The following DYNC2H1 variants were observed in gnomAD, a reference collection of about 807,000 sequenced individuals.
The protein encoded by DYNC2H1 is cytoplasmic dynein 2 heavy chain 1.
Under a neutral mutation model 570.0 loss-of-function variants are expected in DYNC2H1, and 410 were observed. That is an observed-to-expected ratio of 0.72 (90% CI 0.66 to 0.78). The LOEUF (loss-of-function observed/expected upper bound fraction) is 0.78, where lower values mean the gene tolerates loss of function less well. Ranked by LOEUF, DYNC2H1 falls within the 30% of genes least tolerant of loss-of-function variation. The pLI, the probability that DYNC2H1 is intolerant of heterozygous loss-of-function variation, is 0.00. For missense variants in DYNC2H1, 4,865 were observed against 5,046.4 expected (o/e 0.96, Z 1.09); for synonymous variants, 1,688 against 1,677.6 (o/e 1.01, Z -0.15).
rs35573672 is a variant in DYNC2H1, at chr11:103,316,709, C to G, written c.11725+89C>G. On this transcript the variant is annotated intron_variant, in intron 80 of 88. Transcript: ENST00000375735. Reference sequence around the variant, plus strand: ...TATGTTTTCTTCAGAAGTGGCTTAACTTCCTATCACAAAATTTGCTTGTGC... The same window carrying G: ...TATGTTTTCTTCAGAAGTGGCTTAAGTTCCTATCACAAAATTTGCTTGTGC... 211,105 of 985,644 alleles carry G rather than the reference C, an allele frequency of 0.21. 23,211 individuals are homozygous for G. The highest frequency in any genetic ancestry group is 0.26 in the South Asian group (11,772 of 44,718). The allele number at this position is 985,644 out of a possible 1,614,324, so 61.1% of individuals were successfully genotyped here.
intron 87 of DYNC2H1, among the ~76,000 whole-genome samples, chr11:103,462,220 T>C (rs1410188795): frequency 2.0e-5 from 3 of 152,188 alleles, no homozygotes; most frequent in East Asian, 1.9e-4. Flanking sequence ...ATTCATCTGC[T>C]TGCTTCCTTA....
In DYNC2H1 at chr11:103,127,532, G is replaced by A. The variant is rs184683766; in HGVS notation, c.1858-1378G>A. The stretch of plus-strand genomic sequence containing the variant: ...AAGTATATTTTTACATGTATTAGTG[G>A]AAAGAAGAAGATCTCTATAAAATTA... On this transcript the variant is annotated intron_variant, in intron 12 of 88. Coordinates refer to ENST00000375735, the MANE Select transcript of DYNC2H1 (RefSeq NM_001377.3). Among the ~76,000 whole-genome samples, 355 of 152,258 alleles carry A rather than the reference G, an allele frequency of 2.3e-3. 1 individual carries two copies. The highest frequency in any genetic ancestry group is 4.1e-3 in the South Asian group (20 of 4,828).
At position 103,149,746 on chromosome 11, in the gene DYNC2H1, C is replaced by T. The variant is rs568502983; in HGVS notation, c.2946+1129C>T. Among the ~76,000 whole-genome samples the T allele has an allele frequency of 4.0e-5, 6 of 151,890 alleles. No individual in the cohort carries two copies. In the South Asian group the frequency reaches 1.2e-3, roughly 32 times the overall value. On this transcript the variant is annotated intron_variant, in intron 20 of 88. Transcript: ENST00000375735. ...GATGCAGCTGTGAACATATTCTATT[C>T]TCATGGAACATACACGTGTGTGCGT...
chr11:103,171,795 A>G (rs1189376342), intron 34 of DYNC2H1, among the ~76,000 whole-genome samples: 2 of 152,138 alleles, frequency 1.3e-5, no homozygotes, highest in African/African-American at 4.8e-5. Flanking sequence ...AATTGAACCC[A>G]GGTCTGTCTA....
At chr11:103,340,313 T>C (rs1227283099) in intron 82 of DYNC2H1, among the ~76,000 whole-genome samples, 1 of 152,196 alleles carries the variant, frequency 6.6e-6, no homozygotes, top group Non-Finnish European at 1.5e-5. Flanking sequence ...ATTCTACAGA[T>C]AGGGAAGCCT....
Position 103,181,887 on chromosome 11 carries a change from G to A in DYNC2H1, c.6477+1G>A, listed in dbSNP as rs756313208. ...GGCTTTACAATGGGTTCTAAAGCAG[G>A]TAAATTAACCATAATATTTCATAAT... On this transcript the variant is annotated splice_donor_variant, in intron 40 of 88. Coordinates refer to ENST00000375735, the MANE Select transcript of DYNC2H1 (RefSeq NM_001377.3). LOFTEE classifies it high-confidence loss of function. This position sits in a 1 kb window ranked among gnomAD's most constrained non-coding sequence, Gnocchi z 5.0. 8.1e-6 allele frequency: 13 copies of A among 1,602,060 alleles called. No homozygotes were observed. Among genetic ancestry groups the A allele is most frequent in the Admixed American group, 1.7e-5 (1 of 58,770 alleles).
chr11:103,147,637 G>T (rs1332807359), intron 18 of DYNC2H1, 135 bp from the exon 19 acceptor site: 1 of 568,232 alleles, frequency 1.8e-6, no homozygotes, highest in Non-Finnish European at 3.0e-6. Flanking sequence ...AAATCTAAAT[G>T]TGCTTAAAGA....
intron 26 of DYNC2H1, 98 bp downstream of exon 26, chr11:103,156,868 T>C: frequency 7.0e-7 from 1 of 1,422,064 alleles, no homozygotes; most frequent in Non-Finnish European, 9.4e-7. Context: ...TTTTACATGA[T>C]TGGTATCCTC....
chr11:103,479,146 A>G lies in DYNC2H1; in HGVS notation c.12817A>G (p.Thr4273Ala). The G allele has an allele frequency of 1.2e-6, 2 of 1,613,832 alleles. No individual in the cohort carries two copies. Among genetic ancestry groups the G allele is most frequent in the Non-Finnish European group, 1.7e-6 (2 of 1,179,758 alleles). ...TGAGTGCATCTCTTTGCCTGTTTAC[A>G]CAAGTGCTGAAAGGGATCGTGTGGT... The part of the protein sequence containing the change: ...PDECISLPVY[T>A]SAERDRVVTN... The change falls in exon 89 of 89, where the codon ACA becomes GCA. Residue 4273 changes from threonine (T) to alanine (A), a missense_variant. Around this residue, in one of 5 missense-constraint regions of DYNC2H1, gnomAD observed 2,401 missense variants for 2,454.6 expected, o/e 0.98. Coordinates refer to ENST00000375735, the MANE Select transcript of DYNC2H1 (RefSeq NM_001377.3).
Position 103,316,997 on chromosome 11 carries a change from G to A in DYNC2H1, c.11725+377G>A, listed in dbSNP as rs545183060. On this transcript the variant is annotated intron_variant, in intron 80 of 88. Coordinates refer to ENST00000375735, the MANE Select transcript of DYNC2H1 (RefSeq NM_001377.3). ...AATTGAATTACTAAGTAGGATTCAG[G>A]AAACAAGGTACAAATAATAGATTGA... 1.8e-4 allele frequency among the ~76,000 whole-genome samples: 27 copies of A among 152,168 alleles called. No individual in the cohort carries two copies. In the South Asian group the frequency reaches 5.6e-3, roughly 32 times the overall value.
chr11:103,203,276 G>A lies in DYNC2H1; in HGVS notation c.8198-387G>A, dbSNP rs187485303. Among the ~76,000 whole-genome samples the A allele has an allele frequency of 6.6e-6, 1 of 152,296 alleles. No individual in the cohort carries two copies. Among genetic ancestry groups the A allele is most frequent in the East Asian group, 1.9e-4 (1 of 5,192 alleles). ...TATGGGCATAGCAGTTAGGGAAGTA[G>A]CATCTTGAAGGATAAGAATTTATTG... On this transcript the variant is annotated intron_variant, in intron 50 of 88. Coordinates refer to ENST00000375735, the MANE Select transcript of DYNC2H1 (RefSeq NM_001377.3). The surrounding 1 kb of genome is among the most constrained non-coding windows in gnomAD (Gnocchi z 4.7).
chr11:103,255,591 C>G (rs1393660256), intron 67 of DYNC2H1, 57 bp downstream of exon 67: 2 of 1,456,096 alleles, frequency 1.4e-6, no homozygotes, highest in Non-Finnish European at 1.8e-6. Context: ...TTAATGAATA[C>G]AAATAACAGT....
chr11:103,162,967 A>G lies in DYNC2H1; in HGVS notation c.4492-61A>G, dbSNP rs1171323397. The G allele has an allele frequency of 7.0e-6, 10 of 1,433,480 alleles. No individual in the cohort carries two copies. The African/African-American group carries it at 7.2e-5, about 10-fold the overall frequency. The allele number at this position is 1,433,480 out of a possible 1,614,324, so 88.8% of individuals were successfully genotyped here. ...ATTGTATATTTATTTTATGTCTTAT[A>G]TATATTATTTTCCAGTTTATTTTAT... On this transcript the variant is annotated intron_variant, in intron 29 of 88. Coordinates refer to ENST00000375735, the MANE Select transcript of DYNC2H1 (RefSeq NM_001377.3).
At chr11:103,120,376 C>T in intron 6 of DYNC2H1, 71 bp from the exon 7 acceptor site, 1 of 1,336,502 alleles carries the variant, frequency 7.5e-7, no homozygotes, top group Non-Finnish European at 1.0e-6. Flanking sequence ...CCCAATATAT[C>T]TAGATTTTAG....
rs1238325809 is a variant in DYNC2H1 at position 103,122,943 on chromosome 11, T to C, written c.1604T>C (p.Phe535Ser). Residue 535 changes from phenylalanine to serine, a missense_variant, in exon 11 of 89, where the codon TTT becomes TCT. Coordinates refer to ENST00000375735, the MANE Select transcript of DYNC2H1 (RefSeq NM_001377.3). Reference sequence around the variant, plus strand: ...CTTAAACTATATGAACAGGAACAATTTGATGATTGGTCCAGGGATATTCAA... The same window carrying C: ...CTTAAACTATATGAACAGGAACAATCTGATGATTGGTCCAGGGATATTCAA... Reference protein sequence around the residue: ...DQLKLYEQEQFDDWSRDIQSG... With the variant: ...DQLKLYEQEQSDDWSRDIQSG... 4.3e-6 allele frequency: 7 copies of C among 1,609,414 alleles called. No individual in the cohort carries two copies. The highest frequency in any genetic ancestry group is 2.2e-5 in the South Asian group (2 of 90,218).
At chr11:103,288,730 G>C (rs1460992670) in intron 75 of DYNC2H1, among the ~76,000 whole-genome samples, 1 of 98,566 alleles carries the variant, frequency 1.0e-5, no homozygotes, top group Non-Finnish European at 2.1e-5. Context: ...GTAAAAGAAA[G>C]ATTAGCCAGG....
In DYNC2H1 at chr11:103,275,945, C is replaced by T. The variant is rs1318259237; in HGVS notation, c.10696-4403C>T. 6.6e-6 allele frequency among the ~76,000 whole-genome samples: 1 copy of T among 152,164 alleles called. No homozygotes were observed. Among genetic ancestry groups the T allele is most frequent in the East Asian group, 1.9e-4 (1 of 5,190 alleles). On this transcript the variant is annotated intron_variant, in intron 70 of 88. Coordinates refer to ENST00000375735, the MANE Select transcript of DYNC2H1 (RefSeq NM_001377.3). The surrounding 1 kb of genome is among the most constrained non-coding windows in gnomAD (Gnocchi z 4.8). The stretch of plus-strand genomic sequence containing the variant: ...TGTTTTGTAAGAAACCGCTAACCTG[C>T]CTTCCAAAGTGGCTGTACCCTTTTG...
chr11:103,338,957 T>A (rs140268407), intron 82 of DYNC2H1, among the ~76,000 whole-genome samples: 1 of 152,322 alleles, frequency 6.6e-6, no homozygotes, highest in African/African-American at 2.4e-5. Context: ...GTACCTGTCC[T>A]TCTTGAGTGG....
In DYNC2H1 at chr11:103,243,686, A is replaced by T. The variant is rs1350683652; in HGVS notation, c.9820-7A>T. The stretch of plus-strand genomic sequence containing the variant: ...AAAAACATTACTTTTCCTTTTTTTT[A>T]TACTAGAGTCGAGTGTGCCCATTTC... On this transcript the variant is annotated splice_region_variant and splice_polypyrimidine_tract_variant and intron_variant, in intron 63 of 88. Transcript: ENST00000375735. The surrounding 1 kb of genome is among the most constrained non-coding windows in gnomAD (Gnocchi z 4.8). 4 of 1,576,852 alleles carry T rather than the reference A, an allele frequency of 2.5e-6. No individual in the cohort carries two copies. The highest frequency in any genetic ancestry group is 1.8e-5 in the Admixed American group (1 of 56,464).
Sources: gnomAD v4.1 joint callset for allele counts (sites outside exome capture counted in the v4.1 genomes callset) on GRCh38, gnomAD v4.1.1 for gene constraint, gnomAD v4.1.1 regional missense constraint, Gnocchi (gnomAD v3.1) non-coding constraint, MANE v1.5 for transcripts, NCBI Gene and HGNC (gene_info 2026-07-23, HGNC 2026-07-21) for gene names.